Variants in LPIN2 observed in about 807,000 individuals in gnomAD.
LPIN2 encodes the protein phosphatidate phosphatase LPIN2.
In LPIN2, 55 loss-of-function variants were observed where a neutral mutation model predicts 111.4. That is an observed-to-expected ratio of 0.49 (90% CI 0.40 to 0.62). The LOEUF is 0.62. Ranked by LOEUF, LPIN2 falls within the 20% of genes least tolerant of loss-of-function variation. The pLI, the probability that LPIN2 is intolerant of heterozygous loss-of-function variation, is 0.00. For synonymous variants in LPIN2, 425 were observed against 414.0 expected (o/e 1.03, Z -0.32); for missense variants, 992 against 1,112.1 (o/e 0.89, Z 1.54).
intron 1 of LPIN2, among the ~76,000 whole-genome samples, chr18:3,012,714 G>A (rs1463622684): frequency 6.6e-6 from 1 of 152,138 alleles, no homozygotes; most frequent in African/African-American, 2.4e-5. Context: ...CCCAAACCCA[G>A]GGGTAGGGGT....
At position 2,925,283 on chromosome 18, in the gene LPIN2, G is replaced by A. The variant is rs761531247; in HGVS notation, c.1879C>T (p.Leu627=). Residue 627 remains leucine, a synonymous_variant, in exon 14 of 20, where the codon CTG becomes TTG. Transcript: ENST00000677752. The surrounding 1 kb of genome is among the most constrained non-coding windows in gnomAD (Gnocchi z 4.1). ...TATGAAGTTGTGCTGCCGTGGCTCA[G>A]GGGCTCTGTGGGGATGGGGTCCACT... is the stretch of plus-strand genomic sequence containing the variant. ...ITVDPIPTEP[L]SHGSTTSYKK... 3.1e-6 allele frequency: 5 copies of A among 1,614,208 alleles called. No homozygotes were observed. Among genetic ancestry groups the A allele is most frequent in the Non-Finnish European group, 4.2e-6 (5 of 1,180,032 alleles).
intron 7 of LPIN2, among the ~76,000 whole-genome samples, chr18:2,936,353 T>C (rs112858268): frequency 0.014 from 2,171 of 152,256 alleles, 40 homozygotes; most frequent in African/African-American, 0.049. Context: ...CAAGTATCGA[T>C]GGTTGGCTTT....
chr18:2,969,189 G>A (rs1422860321), intron 1 of LPIN2, among the ~76,000 whole-genome samples: 2 of 152,208 alleles, frequency 1.3e-5, no homozygotes, highest in Non-Finnish European at 2.9e-5. Flanking sequence ...TTATGAAGAT[G>A]AGCCAGGTTA....
At chr18:2,982,814 T>C (rs550776541) in intron 1 of LPIN2, 9 of 921,210 alleles carry the variant, frequency 9.8e-6, no homozygotes, top group Admixed American at 7.0e-5. Context: ...TGAAGGTATA[T>C]AATCAAAACA....
chr18:2,951,697 CAGG>C (rs2077540019), intron 3 of LPIN2, among the ~76,000 whole-genome samples: 2 of 152,286 alleles, frequency 1.3e-5, no homozygotes, highest in Admixed American at 1.3e-4. Flanking sequence ...ACAAAAATCT[CAGG>C]AGGTGTTACA....
chr18:2,964,605 TG>T (rs55680921), intron 1 of LPIN2, among the ~76,000 whole-genome samples: 24,677 of 152,126 alleles, frequency 0.16, 2,003 homozygotes, highest in South Asian at 0.21. Flanking sequence ...TCTGTGAGAA[TG>T]GTAAGAAATA....
At chr18:2,921,286 T>C in intron 18 of LPIN2, 1 of 589,428 alleles carries the variant, frequency 1.7e-6, no homozygotes, top group East Asian at 2.9e-5. Context: ...CCTGAGGAAA[T>C]GGAATGGCAG....
At chr18:2,920,982 C>T in intron 18 of LPIN2, 101 bp from the exon 19 acceptor site, 1 of 829,292 alleles carries the variant, frequency 1.2e-6, no homozygotes, top group Non-Finnish European at 2.1e-6. Context: ...ACAGACTCGA[C>T]AGAAAACATG....
chr18:2,964,795 T>C (rs2077768010), intron 1 of LPIN2, among the ~76,000 whole-genome samples: 1 of 152,138 alleles, frequency 6.6e-6, no homozygotes, highest in Admixed American at 6.5e-5. Context: ...AGAGAACTAT[T>C]ATGTCCACTA....
chr18:2,978,664 T>C (rs748210007), intron 1 of LPIN2, among the ~76,000 whole-genome samples: 11 of 152,212 alleles, frequency 7.2e-5, no homozygotes, highest in Non-Finnish European at 1.5e-4. Context: ...GTAGTTTCAT[T>C]TTCAAAACAA....
At chr18:2,999,695 G>C (rs1418459061) in intron 1 of LPIN2, among the ~76,000 whole-genome samples, 3 of 152,082 alleles carry the variant, frequency 2.0e-5, no homozygotes, top group Non-Finnish European at 4.4e-5. Context: ...AGATTGGGGT[G>C]ATGCATCTGC....
chr18:2,925,364 C>G lies in LPIN2; in HGVS notation c.1798G>C (p.Ala600Pro), dbSNP rs1238471420. 1 of 1,614,070 alleles carries G rather than the reference C, an allele frequency of 6.2e-7. No individual in the cohort carries two copies. The highest frequency in any genetic ancestry group is 2.2e-5 in the East Asian group (1 of 44,884). The change falls in exon 14 of 20, where the codon GCC (alanine) becomes CCC (proline). Residue 600 changes from alanine to proline, a missense_variant. Physicochemically the swap from Ala to Pro is conservative, Grantham distance 27. Transcript: ENST00000677752. The surrounding 1 kb of genome is among the most constrained non-coding windows in gnomAD (Gnocchi z 4.1). ...SSKEPAGARP[A>P]ENDSSSDEGS... ...TCGTCACTCGAGGAGTCATTCTCGG[C>G]CGGCCTGTTCAACATTAGCCCAGTT...
chr18:2,940,511 A>T (rs2077354006), intron 5 of LPIN2, 94 bp downstream of exon 5: 2 of 742,592 alleles, frequency 2.7e-6, no homozygotes, highest in Non-Finnish European at 4.8e-6. Context: ...TGTGTGAGAG[A>T]AATGGGAAAT....
At chr18:2,990,631 A>G (rs952350479) in intron 1 of LPIN2, 1 of 187,270 alleles carries the variant, frequency 5.3e-6, no homozygotes, top group Non-Finnish European at 1.1e-5. Flanking sequence ...GTTAAAAAGG[A>G]AGAGAGTGGC....
At chr18:2,979,599 T>C (rs1350401862) in intron 1 of LPIN2, among the ~76,000 whole-genome samples, 3 of 152,218 alleles carry the variant, frequency 2.0e-5, no homozygotes, top group African/African-American at 7.2e-5. Flanking sequence ...GTGGAGGCAG[T>C]CTGTGTGCAT....
chr18:2,939,852 C>A (rs1313884523), intron 5 of LPIN2, among the ~76,000 whole-genome samples: 1 of 152,190 alleles, frequency 6.6e-6, no homozygotes, highest in East Asian at 1.9e-4. Flanking sequence ...GATTCATAAT[C>A]TCATTTGCTT....
At chr18:2,980,163 AC>A (rs2078085966) in intron 1 of LPIN2, among the ~76,000 whole-genome samples, 1 of 152,188 alleles carries the variant, frequency 6.6e-6, no homozygotes, top group Non-Finnish European at 1.5e-5. Flanking sequence ...TTTTAGCGAA[AC>A]TTGGCCCTTA....
chr18:2,934,719 T>C (rs1160365127), intron 7 of LPIN2, among the ~76,000 whole-genome samples: 3 of 152,234 alleles, frequency 2.0e-5, no homozygotes, highest in Non-Finnish European at 4.4e-5. Context: ...AAATAATTTA[T>C]ATTTTAATGG....
chr18:2,950,971 G>T, intron 4 of LPIN2, 84 bp downstream of exon 4: 1 of 1,413,264 alleles, frequency 7.1e-7, no homozygotes, highest in Non-Finnish European at 1.0e-6. Context: ...CTCACACTGT[G>T]TATCCATAAA....
Sources: gnomAD v4.1 joint callset for allele counts (sites outside exome capture counted in the v4.1 genomes callset) on GRCh38, gnomAD v4.1.1 for gene constraint, Gnocchi (gnomAD v3.1) non-coding constraint, MANE v1.5 for transcripts, NCBI Gene and HGNC (gene_info 2026-07-23, HGNC 2026-07-21) for gene names.